GNAS: variants seen among roughly 807,000 people sequenced by gnomAD.
GNAS encodes the protein GNAS complex locus.
A neutral mutation model predicts 54.5 loss-of-function variants in GNAS; 8 were observed. The observed-to-expected ratio is 0.15, with a 90% CI of 0.09 to 0.26. GNAS has a LOEUF of 0.26. Among genes scored for constraint, GNAS ranks in the 10% least tolerant of loss-of-function variants. The probability of loss-of-function intolerance (pLI) is 1.00; values close to 1 mark genes in which losing one functional copy is unlikely to be tolerated. For missense variants in GNAS, 170 were observed against 529.8 expected, an observed-to-expected ratio of 0.32 and a Z score of 6.67; for synonymous variants, 204 against 191.4, an observed-to-expected ratio of 1.07 and a Z score of -0.54.
upstream of GNAS, chr20:58,840,274 G>C (rs1437493984): frequency 6.2e-7 from 1 of 1,612,028 alleles, no homozygotes; most frequent in Admixed American, 1.7e-5. This position sits in a 1 kb window ranked among gnomAD's most constrained non-coding sequence, Gnocchi z 6.0. Context: ...AGCAGCGCGC[G>C]GCTGCCCAAC....
rs28395799 is a variant in GNAS, at chr20:58,909,868, G to C, written c.839+64G>C. On this transcript the variant is annotated intron_variant, in intron 10 of 12. Transcript: ENST00000371085. The surrounding 1 kb of genome is among the most constrained non-coding windows in gnomAD (Gnocchi z 7.3). Reference sequence around the variant, plus strand: ...GAGGCCCTGGTCTGCACTGTTTATAGAGAAGAACCCCGTGCAAGCATTCCA... The same window carrying C: ...GAGGCCCTGGTCTGCACTGTTTATACAGAAGAACCCCGTGCAAGCATTCCA... The C allele has an allele frequency of 2.4e-5, 39 of 1,612,530 alleles. 1 individual carries two copies. The South Asian group carries it at 3.8e-4, about 16-fold the overall frequency.
At chr20:58,868,247 G>A (rs550447397) in intron 1 of GNAS, among the ~76,000 whole-genome samples, 13 of 152,166 alleles carry the variant, frequency 8.5e-5, no homozygotes, top group East Asian at 1.9e-4. Flanking sequence ...TCAAACTCCC[G>A]ATCTCAGGTG....
upstream of GNAS, chr20:58,889,228 C>CGGCGT (rs1568969190): frequency 4.1e-6 from 5 of 1,206,796 alleles, no homozygotes; most frequent in Admixed American, 5.6e-5. Flanking sequence ...CTGGCCGGCG[C>CGGCGT]GGCGCTCCCC....
intron 1 of GNAS, chr20:58,852,650 A>G (rs2086227313): frequency 1.1e-5 from 2 of 184,762 alleles, no homozygotes; most frequent in East Asian, 8.7e-5. Context: ...TCCGAGGCCC[A>G]CGTCTTGCGT....
At chr20:58,903,931 C>T in intron 5 of GNAS, 140 bp downstream of exon 5, 2 of 840,262 alleles carry the variant, frequency 2.4e-6, no homozygotes, top group Non-Finnish European at 4.1e-6. Flanking sequence ...CAGTGATGTC[C>T]ATCCTTAGGA....
At chr20:58,845,257 A>G (rs1434268197) in intron 1 of GNAS, among the ~76,000 whole-genome samples, 2 of 152,232 alleles carry the variant, frequency 1.3e-5, no homozygotes, top group Non-Finnish European at 1.5e-5. Context: ...TGGTTAAGCT[A>G]GACCTGAAAA....
intron 3 of GNAS, chr20:58,899,580 G>T (rs1276457509): frequency 7.3e-6 from 4 of 549,970 alleles, no homozygotes; most frequent in Non-Finnish European, 1.0e-5. Context: ...GGAAATTCAT[G>T]ATGGCATCTT....
chr20:58,884,209 T>C (rs2088438941), intron 1 of GNAS, among the ~76,000 whole-genome samples: 2 of 152,224 alleles, frequency 1.3e-5, no homozygotes, highest in Admixed American at 1.3e-4. Flanking sequence ...AATCTGAAGA[T>C]GTAAAACTTC....
chr20:58,899,106 A>C (rs767186978), intron 3 of GNAS, 121 bp downstream of exon 3: 2 of 804,584 alleles, frequency 2.5e-6, no homozygotes, highest in East Asian at 5.0e-5. Flanking sequence ...ACCATCAGCC[A>C]TATTGGCATA....
At chr20:58,896,422 G>C (rs1012275085) in intron 2 of GNAS, among the ~76,000 whole-genome samples, 5 of 152,032 alleles carry the variant, frequency 3.3e-5, no homozygotes, top group African/African-American at 1.2e-4. Flanking sequence ...CAGGTATCCT[G>C]GTATAGCACA....
At chr20:58,895,808 A>G (rs2089991165) in intron 2 of GNAS, 124 bp downstream of exon 2, 2 of 708,236 alleles carry the variant, frequency 2.8e-6, no homozygotes, top group East Asian at 2.7e-5. Flanking sequence ...TTCCTGATTT[A>G]CATATTAGAA....
upstream of GNAS, among the ~76,000 whole-genome samples, chr20:58,890,209 A>G (rs1034867911): frequency 4.0e-5 from 6 of 151,488 alleles, no homozygotes; most frequent in African/African-American, 1.4e-4. Context: ...AAGAAGAAGA[A>G]GAAGAAGGTG....
At chr20:58,844,329 A>G (rs943873987) in intron 1 of GNAS, among the ~76,000 whole-genome samples, 1 of 152,232 alleles carries the variant, frequency 6.6e-6, no homozygotes, top group African/African-American at 2.4e-5. Flanking sequence ...TCTCTAAAAA[A>G]TCACCCAGCA....
intron 1 of GNAS, chr20:58,854,220 G>C: frequency 1.2e-6 from 2 of 1,613,156 alleles, no homozygotes; most frequent in Non-Finnish European, 1.7e-6. Flanking sequence ...CGCTGGGGTC[G>C]ACGACACTCC....
At chr20:58,842,076 G>A in intron 1 of GNAS, 1 of 415,062 alleles carries the variant, frequency 2.4e-6, no homozygotes, top group Non-Finnish European at 4.1e-6. Context: ...GCGAGGCGGC[G>A]TGCTCCGGCC....
intron 1 of GNAS, chr20:58,854,219 C>A (rs747537586): frequency 6.2e-7 from 1 of 1,613,108 alleles, no homozygotes; most frequent in Non-Finnish European, 8.5e-7. Context: ...CCGCTGGGGT[C>A]GACGACACTC....
intron 6 of GNAS, among the ~76,000 whole-genome samples, chr20:58,908,347 A>G (rs1049260853): frequency 5.9e-5 from 9 of 152,316 alleles, no homozygotes; most frequent in Non-Finnish European, 2.9e-5. Context: ...AAAGCGTAAT[A>G]TCTGGAGTGT....
intron 1 of GNAS, chr20:58,855,330 C>A (rs2086427289): frequency 6.4e-7 from 1 of 1,566,576 alleles, no homozygotes. Context: ...CCTGCTGCTT[C>A]TAGGTAATGC....
chr20:58,850,190 G>C (rs895245994), intron 1 of GNAS, among the ~76,000 whole-genome samples: 25 of 152,076 alleles, frequency 1.6e-4, no homozygotes, highest in African/African-American at 5.8e-4. Flanking sequence ...CATATAAAAA[G>C]TCATTTTCTC....
Sources: gnomAD v4.1 joint callset for allele counts (sites outside exome capture counted in the v4.1 genomes callset) on GRCh38, gnomAD v4.1.1 for gene constraint, Gnocchi (gnomAD v3.1) non-coding constraint, MANE v1.5 for transcripts, NCBI Gene and HGNC (gene_info 2026-07-23, HGNC 2026-07-21) for gene names.